PDXDC1: variants seen among roughly 807,000 people sequenced by gnomAD.
PDXDC1 encodes the protein pyridoxal dependent decarboxylase domain containing 1, also known as pyridoxal-dependent decarboxylase domain-containing protein 1.
Under a neutral mutation model 100.1 loss-of-function variants are expected in PDXDC1, and 42 were observed. That is an observed-to-expected ratio of 0.42 (90% CI 0.33 to 0.54). The LOEUF (loss-of-function observed/expected upper bound fraction) is 0.54. PDXDC1 is among the 20% of genes least tolerant of loss of function. PDXDC1 has a pLI of 0.10. For synonymous variants in PDXDC1, 260 were observed against 371.7 expected, an observed-to-expected ratio of 0.70 and a Z score of 3.46; for missense variants, 636 against 979.2, an observed-to-expected ratio of 0.65 and a Z score of 4.68.
downstream of PDXDC1, chr16:15,041,709 A>ACT: frequency 1.3e-6 from 2 of 1,530,176 alleles, no homozygotes; most frequent in Non-Finnish European, 1.8e-6. Context: ...AGAAGTCAGA[A>ACT]AAGTTCCTCT....
At chr16:15,102,414 A>G (rs2046588166) in intron 16 of PDXDC1, among the ~76,000 whole-genome samples, 1 of 151,860 alleles carries the variant, frequency 6.6e-6, no homozygotes, top group East Asian at 1.9e-4. Flanking sequence ...GCTGAGGCCT[A>G]AGGGTCAATG....
intron 16 of PDXDC1, chr16:15,128,420 C>T (rs778449139): frequency 7.7e-6 from 10 of 1,306,352 alleles, no homozygotes; most frequent in African/African-American, 2.9e-5. Context: ...GTGGGAGGCT[C>T]GGTCTGCTGC....
chr16:15,122,817 T>TGGGGAG (rs1295634437), intron 16 of PDXDC1, among the ~76,000 whole-genome samples: 1 of 22,398 alleles, frequency 4.5e-5, no homozygotes, highest in Non-Finnish European at 8.8e-5. Context: ...GGATCTGAGT[T>TGGGGAG]GGGGAGGGGG....
intron 13 of PDXDC1, 59 bp downstream of exon 13, chr16:15,022,813 TTGAA>T: frequency 7.6e-7 from 1 of 1,312,856 alleles, no homozygotes; most frequent in South Asian, 1.3e-5. Context: ...CTCAGCAACT[TTGAA>T]TGATTTTAGA....
chr16:15,055,253 T>A (rs1206896734), intron 16 of PDXDC1, among the ~76,000 whole-genome samples: 1 of 152,132 alleles, frequency 6.6e-6, no homozygotes, highest in Non-Finnish European at 1.5e-5. Context: ...AGTTCAGAGA[T>A]CTATTTGAGC....
chr16:15,140,686 G>A (rs1025446671), downstream of PDXDC1, among the ~76,000 whole-genome samples: 1 of 152,064 alleles, frequency 6.6e-6, no homozygotes, highest in Non-Finnish European at 1.5e-5. Flanking sequence ...CCTGGAGCTG[G>A]TGATGTGGAG....
intron 9 of PDXDC1, 190 bp downstream of exon 9, chr16:15,016,403 T>C: frequency 7.6e-7 from 1 of 1,322,620 alleles, no homozygotes; most frequent in Non-Finnish European, 1.0e-6. Context: ...AGAGCAGTGT[T>C]ATGACTGCCT....
At chr16:15,032,653 T>TAAAAA in intron 17 of PDXDC1, 1 of 215,830 alleles carries the variant, frequency 4.6e-6, no homozygotes, top group Non-Finnish European at 8.1e-6. Flanking sequence ...GACCCTGCTT[T>TAAAAA]AAAAAAAAAA....
At chr16:15,094,236 G>A (rs1189807146) in intron 16 of PDXDC1, 4 of 1,581,450 alleles carry the variant, frequency 2.5e-6, no homozygotes, top group East Asian at 2.3e-5. Flanking sequence ...GCCGCCATTG[G>A]GCCGAACTAA....
intron 16 of PDXDC1, chr16:15,130,275 C>G: frequency 6.5e-7 from 1 of 1,541,074 alleles, no homozygotes; most frequent in South Asian, 1.2e-5. Context: ...GCGGGTGAGG[C>G]AGACGGCCTG....
intron 8 of PDXDC1, among the ~76,000 whole-genome samples, chr16:15,014,278 A>T (rs1257234044): frequency 1.3e-5 from 2 of 152,252 alleles, no homozygotes; most frequent in African/African-American, 2.4e-5. Flanking sequence ...GAAAACCATC[A>T]CTTCCTGCCT....
At chr16:15,073,675 G>A (rs1039321868) in intron 16 of PDXDC1, among the ~76,000 whole-genome samples, 1 of 152,160 alleles carries the variant, frequency 6.6e-6, no homozygotes, top group Non-Finnish European at 1.5e-5. Context: ...TCATTTTACT[G>A]TTAGTAAACA....
At chr16:15,081,094 G>A (rs931313102) in intron 16 of PDXDC1, among the ~76,000 whole-genome samples, 11 of 152,082 alleles carry the variant, frequency 7.2e-5, no homozygotes, top group South Asian at 4.1e-4. Context: ...ATATTCCATT[G>A]TACCATGTTT....
the PDXDC1 span, among the ~76,000 whole-genome samples, chr16:15,148,700 T>C: frequency 1.3e-5 from 2 of 151,778 alleles, no homozygotes; most frequent in Admixed American, 6.6e-5. Context: ...ACGGGGTCCC[T>C]GTCTGTTGTT....
At chr16:15,106,848 G>C (rs1479313292) in intron 16 of PDXDC1, 2 of 207,514 alleles carry the variant, frequency 9.6e-6, no homozygotes, top group African/African-American at 4.7e-5. Flanking sequence ...GCTGACTTCT[G>C]AGATGATAGT....
intron 1 of PDXDC1, among the ~76,000 whole-genome samples, chr16:14,992,227 G>A (rs1194713221): frequency 3.9e-5 from 6 of 152,284 alleles, no homozygotes. Flanking sequence ...AGGAAAAAAG[G>A]CATCAGTATC....
intron 16 of PDXDC1, among the ~76,000 whole-genome samples, chr16:15,117,342 C>G (rs1304175136): frequency 8.0e-6 from 1 of 125,488 alleles, no homozygotes; most frequent in East Asian, 2.3e-4. Context: ...ATGTACTTTC[C>G]AAAGTTAGTA....
At chr16:15,100,618 C>G (rs535879210) in intron 16 of PDXDC1, among the ~76,000 whole-genome samples, 24 of 152,270 alleles carry the variant, frequency 1.6e-4, no homozygotes, top group Admixed American at 1.0e-3. Flanking sequence ...CAGTAACATT[C>G]AAAAATATCT....
intron 16 of PDXDC1, chr16:15,094,197 C>T: frequency 6.2e-7 from 1 of 1,600,380 alleles, no homozygotes; most frequent in Non-Finnish European, 8.5e-7. Context: ...GCGGCCGCAT[C>T]TCCCGGCAAA....
Sources: gnomAD v4.1 joint callset for allele counts (sites outside exome capture counted in the v4.1 genomes callset) on GRCh38, gnomAD v4.1.1 for gene constraint, MANE v1.5 for transcripts, NCBI Gene and HGNC (gene_info 2026-07-23, HGNC 2026-07-21) for gene names.